GBF1: variants seen among roughly 807,000 people sequenced by gnomAD.
GBF1 encodes Golgi-specific brefeldin A-resistance guanine nucleotide exchange factor 1.
Under a neutral mutation model 210.5 loss-of-function variants are expected in GBF1, and 114 were observed. The ratio of observed to expected loss-of-function variants is 0.54; its 90% CI spans 0.47 to 0.63. The LOEUF (loss-of-function observed/expected upper bound fraction) is 0.63. Among genes scored for constraint, GBF1 ranks in the 30% least tolerant of loss-of-function variants. The pLI, the probability that GBF1 is intolerant of heterozygous loss-of-function variation, is 0.00. For missense variants in GBF1, 1,851 were observed against 2,357.7 expected, an observed-to-expected ratio of 0.79 and a Z score of 4.45; for synonymous variants, 850 against 889.2, an observed-to-expected ratio of 0.96 and a Z score of 0.78.
chr10:102,261,227 C>A (rs2073167408), intron 3 of GBF1, among the ~76,000 whole-genome samples: 1 of 108,074 alleles, frequency 9.3e-6, no homozygotes, highest in Non-Finnish European at 1.8e-5. Context: ...ACATTAAGTA[C>A]CTTATATTTG....
At chr10:102,291,126 C>G (rs982907946) in intron 3 of GBF1, among the ~76,000 whole-genome samples, 2 of 151,326 alleles carry the variant, frequency 1.3e-5, no homozygotes, top group Admixed American at 1.3e-4. Context: ...TTTTTTATTG[C>G]CAAGTCTCTT....
At chr10:102,370,108 C>G in intron 26 of GBF1, 66 bp from the exon 27 acceptor site, 1 of 1,496,402 alleles carries the variant, frequency 6.7e-7, no homozygotes, top group Non-Finnish European at 9.3e-7. Context: ...CTCCCCCTGG[C>G]TCTTGGGGAC....
the GBF1 span, among the ~76,000 whole-genome samples, chr10:102,233,148 T>C: frequency 6.6e-5 from 10 of 152,274 alleles, no homozygotes; most frequent in Non-Finnish European, 1.5e-4. Flanking sequence ...CTCAGAACGC[T>C]TGTTTTCTCA....
intron 3 of GBF1, among the ~76,000 whole-genome samples, chr10:102,328,225 G>T (rs904201304): frequency 6.6e-6 from 1 of 152,348 alleles, no homozygotes; most frequent in Non-Finnish European, 1.5e-5. Flanking sequence ...GGGCACAGTG[G>T]CTCATGCCTA....
At chr10:102,362,258 A>G (rs2059659102) in intron 14 of GBF1, among the ~76,000 whole-genome samples, 1 of 151,314 alleles carries the variant, frequency 6.6e-6, no homozygotes, top group Non-Finnish European at 1.5e-5. Context: ...GGGTTTCACC[A>G]TGTTAGCCAG....
At chr10:102,316,474 G>A (rs17780667) in intron 3 of GBF1, among the ~76,000 whole-genome samples, 31,920 of 152,070 alleles carry the variant, frequency 0.21, 3,573 homozygotes, top group South Asian at 0.32. Flanking sequence ...GGTAATTTTA[G>A]TAGTCCTCTT....
intron 3 of GBF1, among the ~76,000 whole-genome samples, chr10:102,293,922 C>T (rs1266820020): frequency 6.6e-6 from 1 of 151,394 alleles, no homozygotes; most frequent in African/African-American, 2.4e-5. Flanking sequence ...GGACTACAGG[C>T]ACCCACCACC....
intron 3 of GBF1, among the ~76,000 whole-genome samples, chr10:102,306,568 C>T (rs1178523254): frequency 7.9e-5 from 12 of 152,264 alleles, no homozygotes; most frequent in Admixed American, 1.3e-4. Context: ...GGATTACAGG[C>T]GCCTGACACC....
chr10:102,365,670 G>A, intron 18 of GBF1, 71 bp downstream of exon 18: 7 of 1,308,928 alleles, frequency 5.3e-6, no homozygotes, highest in African/African-American at 4.3e-5. Context: ...TGACACTTTG[G>A]GAGGCTGAGG....
At chr10:102,277,916 C>T (rs1008405926) in intron 3 of GBF1, among the ~76,000 whole-genome samples, 8 of 151,738 alleles carry the variant, frequency 5.3e-5, no homozygotes, top group African/African-American at 9.7e-5. Flanking sequence ...AATCTGGGAC[C>T]GTTCTTTAGC....
At chr10:102,276,842 T>A (rs1354708417) in intron 3 of GBF1, among the ~76,000 whole-genome samples, 2 of 152,214 alleles carry the variant, frequency 1.3e-5, no homozygotes, top group African/African-American at 4.8e-5. Context: ...CCTTTTTACC[T>A]AATTGGTATC....
Position 102,365,587 on chromosome 10 carries a change from A to C in GBF1, c.2297A>C (p.Glu766Ala). 1 of 1,613,962 alleles carries C rather than the reference A, an allele frequency of 6.2e-7. No individual in the cohort carries two copies. Among genetic ancestry groups the C allele is most frequent in the Non-Finnish European group, 8.5e-7 (1 of 1,179,878 alleles). ...GACCGCAAAAACATTGACCTGTTGGAGAGCTTTGTGAGGTGAGGAAGCTGT... is the reference window on the plus strand; with the variant it reads ...GACCGCAAAAACATTGACCTGTTGGCGAGCTTTGTGAGGTGAGGAAGCTGT... ...VSDRKNIDLL[E>A]SFVSTFSFQG... is the part of the protein sequence containing the mutation. The change falls in exon 18 of 40, where the codon GAG (glutamate) becomes GCG (alanine). Residue 766 changes from glutamate (E) to alanine (A), a missense_variant. By Grantham distance (107) the Glu-to-Ala change is moderately radical. Coordinates refer to ENST00000369983, the MANE Select transcript of GBF1 (RefSeq NM_001377137.1).
intron 3 of GBF1, among the ~76,000 whole-genome samples, chr10:102,327,108 C>T (rs2056962761): frequency 6.6e-6 from 1 of 152,208 alleles, no homozygotes; most frequent in African/African-American, 2.4e-5. Context: ...GCCGAATTCT[C>T]CTGGCCAAGC....
intron 3 of GBF1, among the ~76,000 whole-genome samples, chr10:102,316,536 A>T (rs936444803): frequency 5.3e-5 from 8 of 152,198 alleles, no homozygotes; most frequent in African/African-American, 1.9e-4. Flanking sequence ...TTTAACAAGC[A>T]TTAGGAACAG....
At chr10:102,270,961 T>C (rs1010020618) in intron 3 of GBF1, among the ~76,000 whole-genome samples, 2 of 152,138 alleles carry the variant, frequency 1.3e-5, no homozygotes, top group African/African-American at 4.8e-5. Flanking sequence ...TCCTCCTGCC[T>C]CAGCCTCCTG....
intron 29 of GBF1, among the ~76,000 whole-genome samples, chr10:102,374,671 G>A (rs950888596): frequency 6.6e-6 from 1 of 152,098 alleles, no homozygotes. Context: ...AACCTACACA[G>A]GTAATAAAAT....
In GBF1 at chr10:102,363,590, G is replaced by A. The variant is rs917257481; in HGVS notation, c.2018-120G>A. ...TTCCAGGGAAGTGGAAGACTGGTGAGGACAAGATTTCTGAGGCTCCTTCTT... is the reference window on the plus strand; with the variant it reads ...TTCCAGGGAAGTGGAAGACTGGTGAAGACAAGATTTCTGAGGCTCCTTCTT... On this transcript the variant is annotated intron_variant, in intron 16 of 39. Transcript: ENST00000369983. This position sits in a 1 kb window ranked among gnomAD's most constrained non-coding sequence, Gnocchi z 4.2. 3 of 824,490 alleles carry A rather than the reference G, an allele frequency of 3.6e-6. No individual in the cohort carries two copies. The highest frequency in any genetic ancestry group is 1.7e-5 in the African/African-American group (1 of 58,748). 51.1% of individuals were successfully genotyped at this position (824,490 alleles called of 1,614,324 possible).
At position 102,296,357 on chromosome 10, in the gene GBF1, TTCTC is replaced by T. The variant is rs1459439440; in HGVS notation, c.163+36245_163+36248del. Among the ~76,000 whole-genome samples, 4 of 152,238 alleles carry T rather than the reference TTCTC, an allele frequency of 2.6e-5. No individual in the cohort carries two copies. The East Asian group carries it at 7.7e-4, about 29-fold the overall frequency. Reference sequence around the variant, plus strand: ...TTAGAATATAGGTTTGAGATTTGTCTTCTCTCTTTTTGTAAGATGATAGGGATAA... The same window carrying T: ...TTAGAATATAGGTTTGAGATTTGTCTTCTTTTTGTAAGATGATAGGGATAA... On this transcript the variant is annotated intron_variant, in intron 3 of 39. Coordinates refer to ENST00000369983, the MANE Select transcript of GBF1 (RefSeq NM_001377137.1).
At chr10:102,353,770 G>T (rs2059137959) in intron 8 of GBF1, 116 bp downstream of exon 8, 1 of 710,078 alleles carries the variant, frequency 1.4e-6, no homozygotes, top group Admixed American at 2.3e-5. Flanking sequence ...GGTCTGCTTG[G>T]AATCTAGAAG....
Sources: allele counts gnomAD v4.1 joint callset (sites outside exome capture counted in the v4.1 genomes callset), GRCh38; gene constraint gnomAD v4.1.1; non-coding constraint Gnocchi (gnomAD v3.1); transcripts MANE v1.5; gene names NCBI Gene and HGNC (gene_info 2026-07-23, HGNC 2026-07-21).